The following SORBS3 variants were observed in gnomAD, a reference collection of about 807,000 sequenced individuals.
The protein encoded by SORBS3 is sorbin and SH3 domain containing 3.
Under a neutral mutation model 98.0 loss-of-function variants are expected in SORBS3, and 69 were observed. The observed-to-expected ratio is 0.70, with a 90% CI of 0.58 to 0.86. SORBS3 has a LOEUF of 0.86. Ranked by LOEUF, SORBS3 falls within the 40% of genes least tolerant of loss-of-function variation. The pLI, the probability that SORBS3 is intolerant of heterozygous loss-of-function variation, is 0.00. For synonymous variants in SORBS3, 394 were observed against 355.4 expected (o/e 1.11, Z -1.22); for missense variants, 954 against 908.5 (o/e 1.05, Z -0.64).
chr8:22,553,552 C>T (rs1840126882), intron 1 of SORBS3, among the ~76,000 whole-genome samples: 1 of 152,178 alleles, frequency 6.6e-6, no homozygotes, highest in Non-Finnish European at 1.5e-5. Flanking sequence ...CCCTGGGTGC[C>T]TAGGGCTCCC....
chr8:22,573,570 G>A, intron 20 of SORBS3: 1 of 371,148 alleles, frequency 2.7e-6, no homozygotes, highest in Non-Finnish European at 5.3e-6. Context: ...GTGCAGGTCA[G>A]GGAAGGCTTC....
At chr8:22,563,784 A>G (rs757724654) in intron 7 of SORBS3, among the ~76,000 whole-genome samples, 7 of 152,166 alleles carry the variant, frequency 4.6e-5, no homozygotes, top group Non-Finnish European at 1.0e-4. Context: ...AAGGTTACAC[A>G]TCCACTAAAC....
chr8:22,554,876 G>A lies in SORBS3; in HGVS notation c.116G>A (p.Arg39Gln), dbSNP rs757929270. The A allele has an allele frequency of 1.1e-5, 17 of 1,580,282 alleles. No individual in the cohort carries two copies. Among genetic ancestry groups the A allele is most frequent in the South Asian group, 8.8e-5 (8 of 90,536 alleles). ...CCCTCCCCGCAGGTGCCCGTGATCC[G>A]GAATGGTGGCTCCAACACCCTTAAT... ...SSRGTRVPVI[R>Q]NGGSNTLNFQ... Residue 39 changes from arginine (R) to glutamine (Q), a missense_variant, in exon 3 of 21, where the codon CGG becomes CAG. Physicochemically the swap from Arg to Gln is conservative, Grantham distance 43 (BLOSUM62 1). Transcript: ENST00000240123. The surrounding 1 kb of genome is among the most constrained non-coding windows in gnomAD (Gnocchi z 6.5).
At chr8:22,551,914 G>T, upstream of SORBS3, 1 of 985,280 alleles carries the variant, frequency 1.0e-6, no homozygotes, top group Non-Finnish European at 1.2e-6. This position sits in a 1 kb window ranked among gnomAD's most constrained non-coding sequence, Gnocchi z 5.8. Flanking sequence ...GACGGCCCGC[G>T]CTTCTCCTTG....
Position 22,564,478 on chromosome 8 carries a change from C to G in SORBS3, c.773C>G (p.Pro258Arg), listed in dbSNP as rs148709928. 857 of 1,614,074 alleles carry G rather than the reference C, an allele frequency of 5.3e-4. 1 individual carries two copies. Among genetic ancestry groups the G allele is most frequent in the Non-Finnish European group, 6.9e-4 (817 of 1,180,016 alleles). Residue 258 changes from proline to arginine, a missense_variant, in exon 10 of 21, where the codon CCG (proline) becomes CGG (arginine). Pro to Arg is a moderately radical substitution (Grantham distance 103, BLOSUM62 -2). Coordinates refer to ENST00000240123, the MANE Select transcript of SORBS3 (RefSeq NM_005775.5). ...CTTTCTACCCTTCAGCCCAAGAAAC[C>G]GCTGGTGGACGACCCTGGTGAGAAG... ...ELETGQRPKK[P>R]LVDDPGEKPS... is the part of the protein sequence containing the mutation.
intron 8 of SORBS3, 66 bp downstream of exon 8, chr8:22,564,143 A>G: frequency 6.5e-7 from 1 of 1,540,518 alleles, no homozygotes; most frequent in East Asian, 2.3e-5. Flanking sequence ...ACCCTATGCC[A>G]CGATGTCCTT....
chr8:22,551,414 A>G (rs933092288), upstream of SORBS3, among the ~76,000 whole-genome samples: 1 of 151,086 alleles, frequency 6.6e-6, no homozygotes, highest in Non-Finnish European at 1.5e-5. This position sits in a 1 kb window ranked among gnomAD's most constrained non-coding sequence, Gnocchi z 5.8. Flanking sequence ...TGCCCAGTTC[A>G]CCACTCCTGC....
chr8:22,566,396 C>T lies in SORBS3; in HGVS notation c.1002C>T (p.Ser334=). Residue 334 remains serine (S), a synonymous_variant, in exon 13 of 21, where the codon TCC becomes TCT. Transcript: ENST00000240123. ...SSYPHAPYLG[S]ARSLSPHKMA... is the part of the protein sequence containing the mutation. ...ACCCACATGCACCTTACCTGGGTTCCGCCCGGTCCCTGAGTCCCCACAAAA... is the reference window on the plus strand; with the variant it reads ...ACCCACATGCACCTTACCTGGGTTCTGCCCGGTCCCTGAGTCCCCACAAAA... The T allele has an allele frequency of 1.9e-6, 3 of 1,614,070 alleles. No homozygotes were observed. Among genetic ancestry groups the T allele is most frequent in the Non-Finnish European group, 2.5e-6 (3 of 1,179,996 alleles).
upstream of SORBS3, among the ~76,000 whole-genome samples, chr8:22,549,668 TA>T (rs1182775647): frequency 4.8e-4 from 73 of 152,266 alleles, no homozygotes; most frequent in African/African-American, 1.6e-3. Context: ...AGCCCAGGCC[TA>T]AGTAGACAGG....
At position 22,554,931 on chromosome 8, in the gene SORBS3, T is replaced by C. The variant is rs1471898319; in HGVS notation, c.171T>C (p.Thr57=). ...NFQFHDPAPR[T]VCNGGYTPRR... is the part of the protein sequence containing the mutation. ...AGTTCCACGACCCCGCGCCCAGGAC[T>C]GTGTGCAATGGGGGCTACACACCAA... is the stretch of plus-strand genomic sequence containing the variant. Residue 57 remains threonine, a synonymous_variant, in exon 3 of 21, where the codon ACT becomes ACC. Coordinates refer to ENST00000240123, the MANE Select transcript of SORBS3 (RefSeq NM_005775.5). The surrounding 1 kb of genome is among the most constrained non-coding windows in gnomAD (Gnocchi z 6.5). 6.2e-7 allele frequency: 1 copy of C among 1,613,436 alleles called. No individual in the cohort carries two copies. Among genetic ancestry groups the C allele is most frequent in the Non-Finnish European group, 8.5e-7 (1 of 1,179,800 alleles).
Position 22,561,977 on chromosome 8 carries a change from C to G in SORBS3, c.584+46C>G, listed in dbSNP as rs764411524. The G allele has an allele frequency of 4.4e-6, 7 of 1,579,126 alleles. No individual in the cohort carries two copies. The East Asian group carries it at 1.3e-4, about 30-fold the overall frequency. On this transcript the variant is annotated intron_variant, in intron 7 of 20. Coordinates refer to ENST00000240123, the MANE Select transcript of SORBS3 (RefSeq NM_005775.5). ...CCGAGGGCTGCGGAGGGGCGCGGCC[C>G]GCGAGACACCATGGGACGGGCGCCC...
At chr8:22,553,104 T>C (rs537863312) in intron 1 of SORBS3, among the ~76,000 whole-genome samples, 28 of 152,154 alleles carry the variant, frequency 1.8e-4, no homozygotes, top group Admixed American at 1.3e-4. Flanking sequence ...AGCCTTATTC[T>C]ACCTTCATCC....
chr8:22,564,656 T>C (rs1394157023), intron 10 of SORBS3, 135 bp downstream of exon 10: 4 of 1,402,514 alleles, frequency 2.9e-6, no homozygotes, highest in Non-Finnish European at 3.9e-6. Flanking sequence ...ATTTCTGTAA[T>C]GCCAGCACTC....
rs1447710472 is a variant in SORBS3, at chr8:22,575,005, G to A, written c.*277G>A. The A allele has an allele frequency of 3.3e-6, 2 of 611,640 alleles. No individual in the cohort carries two copies. Among genetic ancestry groups the A allele is most frequent in the Admixed American group, 2.1e-5 (1 of 47,048 alleles). The allele number at this position is 611,640 out of a possible 1,614,324, so 37.9% of individuals were successfully genotyped here. A position where few individuals can be genotyped will look rare whatever the true frequency, so the allele number is the denominator to read the frequency against. The stretch of plus-strand genomic sequence containing the variant: ...GCTTTGAAGCGGAGACCATTTCCAG[G>A]CCTTATTGAGACCAGACCCCAAGTC... On this transcript the variant is annotated 3_prime_UTR_variant, in exon 21 of 21. Transcript: ENST00000240123.
chr8:22,549,652 C>T (rs764773597), upstream of SORBS3, among the ~76,000 whole-genome samples: 6 of 152,170 alleles, frequency 3.9e-5, no homozygotes, highest in East Asian at 1.9e-4. Flanking sequence ...GTGATAAACC[C>T]GGCAGAGCCC....
At chr8:22,559,574 G>A (rs1394952910) in intron 5 of SORBS3, among the ~76,000 whole-genome samples, 1 of 152,024 alleles carries the variant, frequency 6.6e-6, no homozygotes, top group African/African-American at 2.4e-5. Context: ...GTGGCGGCAT[G>A]CACCTGTAAT....
chr8:22,546,408 C>G (rs1840016492), intron 1 of SORBS3, among the ~76,000 whole-genome samples: 1 of 152,130 alleles, frequency 6.6e-6, no homozygotes, highest in African/African-American at 2.4e-5. Flanking sequence ...GAATTCCCCT[C>G]CCAAGGGAGG....
chr8:22,561,744 C>A, intron 6 of SORBS3, 121 bp from the exon 7 acceptor site: 1 of 870,588 alleles, frequency 1.1e-6, no homozygotes, highest in Non-Finnish European at 1.9e-6. Context: ...CTGCCCCCAC[C>A]ATCCACCCAG....
intron 1 of SORBS3, among the ~76,000 whole-genome samples, chr8:22,553,553 T>C (rs750453146): frequency 9.2e-5 from 14 of 152,126 alleles, no homozygotes; most frequent in Admixed American, 6.5e-4. Flanking sequence ...CCTGGGTGCC[T>C]AGGGCTCCCT....
Sources: allele counts gnomAD v4.1 joint callset (sites outside exome capture counted in the v4.1 genomes callset), GRCh38; gene constraint gnomAD v4.1.1; non-coding constraint Gnocchi (gnomAD v3.1); transcripts MANE v1.5; gene names NCBI Gene and HGNC (gene_info 2026-07-23, HGNC 2026-07-21).